Variants in IQSEC1 observed in about 807,000 individuals in gnomAD.
IQSEC1 encodes IQ motif and Sec7 domain ArfGEF 1.
Under a neutral mutation model 91.0 loss-of-function variants are expected in IQSEC1, and 31 were observed. The ratio of observed to expected loss-of-function variants is 0.34; its 90% CI spans 0.26 to 0.46. IQSEC1 has a LOEUF of 0.46. Among genes scored for constraint, IQSEC1 ranks in the 20% least tolerant of loss-of-function variants. IQSEC1 has a pLI of 1.00. For synonymous variants in IQSEC1, 699 were observed against 662.6 expected (o/e 1.05, Z -0.84); for missense variants, 1,388 against 1,575.6 (o/e 0.88, Z 2.02).
At chr3:13,032,229 T>G (rs868403217) in intron 1 of IQSEC1, among the ~76,000 whole-genome samples, 3 of 152,218 alleles carry the variant, frequency 2.0e-5, no homozygotes, top group Admixed American at 6.5e-5. Flanking sequence ...ACTTTCAAAA[T>G]GAGGGCACTG....
At chr3:13,086,070 G>C (rs1240069632) in intron 2 of IQSEC1, among the ~76,000 whole-genome samples, 1 of 152,210 alleles carries the variant, frequency 6.6e-6, no homozygotes, top group Non-Finnish European at 1.5e-5. Flanking sequence ...AGACTAGAGA[G>C]ACTGTTTTGG....
chr3:13,169,428 C>T (rs1693563983), intron 1 of IQSEC1, among the ~76,000 whole-genome samples: 1 of 152,178 alleles, frequency 6.6e-6, no homozygotes, highest in Non-Finnish European at 1.5e-5. Flanking sequence ...TGGACTAATA[C>T]AGTAAATTGG....
chr3:13,265,168 G>C (rs1576315827), intron 1 of IQSEC1, among the ~76,000 whole-genome samples: 1 of 152,252 alleles, frequency 6.6e-6, no homozygotes, highest in East Asian at 1.9e-4. Flanking sequence ...CCCGTGCAGG[G>C]CAACCTCACT....
At position 13,233,935 on chromosome 3, in the gene IQSEC1, A is replaced by AGG. The variant is rs1694877039; in HGVS notation, c.272+48775_272+48776insCC. Among the ~76,000 whole-genome samples, 5 of 152,324 alleles carry AGG rather than the reference A, an allele frequency of 3.3e-5. No individual in the cohort carries two copies. In the South Asian group the frequency reaches 1.0e-3, roughly 32 times the overall value. ...AGTGGGGAGGGTGAATCAAGATAAA[A>AGG]TGTGCAAACTGTTCAGACAAGAGGC... On this transcript the variant is annotated intron_variant, in intron 1 of 15. Coordinates refer to the IQSEC1 transcript ENST00000648114.
In IQSEC1 at chr3:12,967,740, A is replaced by G. The variant is rs1406779969; in HGVS notation, c.24-25875T>C. 17 of 1,047,852 alleles carry G rather than the reference A, an allele frequency of 1.6e-5. No individual in the cohort carries two copies. The highest frequency in any genetic ancestry group is 2.0e-5 in the Non-Finnish European group (17 of 870,572). 64.9% of individuals were successfully genotyped at this position (1,047,852 alleles called of 1,614,324 possible). A position where few individuals can be genotyped will look rare whatever the true frequency, so the allele number is the denominator to read the frequency against. Reference sequence around the variant, plus strand: ...AATGTGGCCCTGAAGTGGGCGGGGCAGGGCGGGGGCGGGGCCGGAGGGCGA... The same window carrying G: ...AATGTGGCCCTGAAGTGGGCGGGGCGGGGCGGGGGCGGGGCCGGAGGGCGA... On this transcript the variant is annotated intron_variant, in intron 1 of 13. Transcript: ENST00000613206. The surrounding 1 kb of genome is among the most constrained non-coding windows in gnomAD (Gnocchi z 5.9).
chr3:12,901,560 C>T (rs1213285281), intron 13 of IQSEC1, 38 bp from the exon 14 acceptor site: 1 of 1,483,722 alleles, frequency 6.7e-7, no homozygotes, highest in Admixed American at 2.1e-5. Flanking sequence ...ATTAAAAGAT[C>T]TTCAAGCACT....
At chr3:13,163,694 A>G (rs990028449) in intron 2 of IQSEC1, among the ~76,000 whole-genome samples, 4 of 152,236 alleles carry the variant, frequency 2.6e-5, no homozygotes, top group African/African-American at 9.6e-5. Flanking sequence ...GGCTGGTTAG[A>G]GCCGGGCCCA....
intron 12 of IQSEC1, among the ~76,000 whole-genome samples, chr3:12,905,040 C>T (rs1694821473): frequency 1.3e-5 from 2 of 152,214 alleles, no homozygotes; most frequent in African/African-American, 4.8e-5. Flanking sequence ...TGTGCTGAGT[C>T]CTAGAGCCCT....
At chr3:13,220,295 G>A (rs1694633108) in intron 1 of IQSEC1, among the ~76,000 whole-genome samples, 1 of 152,202 alleles carries the variant, frequency 6.6e-6, no homozygotes, top group Non-Finnish European at 1.5e-5. Flanking sequence ...TTTCAAACTT[G>A]GAAATGGTCA....
chr3:13,250,615 T>G (rs1695179347), intron 1 of IQSEC1, among the ~76,000 whole-genome samples: 1 of 109,226 alleles, frequency 9.2e-6, no homozygotes, highest in Non-Finnish European at 1.8e-5. Context: ...TTATTTTATT[T>G]TATTTTATTT....
intron 1 of IQSEC1, among the ~76,000 whole-genome samples, chr3:13,044,698 C>T (rs1041351457): frequency 6.6e-5 from 10 of 152,242 alleles, no homozygotes; most frequent in African/African-American, 2.4e-4. Context: ...CGCCCCCCCA[C>T]ACTCCTGGAG....
chr3:13,275,630 T>C (rs1436227297), intron 1 of IQSEC1, among the ~76,000 whole-genome samples: 1 of 152,258 alleles, frequency 6.6e-6, no homozygotes, highest in Non-Finnish European at 1.5e-5. Context: ...AAGCCTCTGC[T>C]GACACCCGTG....
chr3:13,084,270 C>T (rs1312221458), intron 2 of IQSEC1, among the ~76,000 whole-genome samples: 5 of 152,068 alleles, frequency 3.3e-5, no homozygotes, highest in African/African-American at 7.2e-5. Flanking sequence ...GCCCAAGGAA[C>T]GGGCATCACT....
chr3:12,916,189 G>A (rs189034097), intron 6 of IQSEC1, among the ~76,000 whole-genome samples: 1 of 152,276 alleles, frequency 6.6e-6, no homozygotes, highest in East Asian at 1.9e-4. Flanking sequence ...GACTATGGGC[G>A]AGTGACTGCC....
chr3:13,277,127 A>C (rs1020599744), intron 1 of IQSEC1, among the ~76,000 whole-genome samples: 2 of 149,462 alleles, frequency 1.3e-5, no homozygotes, highest in Non-Finnish European at 1.5e-5. Flanking sequence ...AAAAAAAAAA[A>C]AAAAAAAAAA....
At position 12,900,495 on chromosome 3, in the gene IQSEC1, T is replaced by TTTAC. The variant is rs1258541153; in HGVS notation, c.*484_*487dup. ...TATATATTTATATATTTATATAAAG[T>TTTAC]TTACTTACGTATTTTCATCAACCAT... On this transcript the variant is annotated 3_prime_UTR_variant, in exon 14 of 14. Transcript: ENST00000613206. The TTTAC allele has an allele frequency of 1.2e-6, 1 of 811,932 alleles. No homozygotes were observed. Among genetic ancestry groups the TTTAC allele is most frequent in the Non-Finnish European group, 1.5e-6 (1 of 673,038 alleles). The allele number at this position is 811,932 out of a possible 1,614,324, so 50.3% of individuals were successfully genotyped here.
chr3:12,915,377 A>G (rs746132654), intron 7 of IQSEC1, among the ~76,000 whole-genome samples: 13 of 152,194 alleles, frequency 8.5e-5, no homozygotes, highest in Non-Finnish European at 1.5e-4. Context: ...CTAGATCATT[A>G]AGAGCCTCAG....
intron 1 of IQSEC1, chr3:12,960,233 AC>A (rs1180114693): frequency 2.0e-5 from 3 of 152,144 alleles, no homozygotes; most frequent in Non-Finnish European, 2.9e-5. Flanking sequence ...TCTCGGGTGG[AC>A]AGTCGTCCTG....
chr3:13,255,809 A>T, intron 1 of IQSEC1, among the ~76,000 whole-genome samples: 1 of 152,164 alleles, frequency 6.6e-6, no homozygotes. Flanking sequence ...TGTTTCAATG[A>T]CTGATTTGCT....
Sources: allele counts gnomAD v4.1 joint callset (sites outside exome capture counted in the v4.1 genomes callset), GRCh38; gene constraint gnomAD v4.1.1; non-coding constraint Gnocchi (gnomAD v3.1); transcripts MANE v1.5; gene names NCBI Gene and HGNC (gene_info 2026-07-23, HGNC 2026-07-21).